Variants in COL6A2 observed in about 807,000 individuals in gnomAD.
The protein encoded by COL6A2 is collagen alpha-2(VI) chain.
COL6A2 carries 90 observed loss-of-function variants against 124.9 expected under a neutral mutation model. The observed-to-expected ratio is 0.72, with a 90% CI of 0.61 to 0.86. COL6A2 has a LOEUF of 0.86. Among genes scored for constraint, COL6A2 ranks in the 40% least tolerant of loss-of-function variants. The pLI, the probability that COL6A2 is intolerant of heterozygous loss-of-function variation, is 0.00. For synonymous variants in COL6A2, 793 were observed against 618.2 expected, an observed-to-expected ratio of 1.28 and a Z score of -4.19; for missense variants, 1,607 against 1,502.5, an observed-to-expected ratio of 1.07 and a Z score of -1.15.
At chr21:46,118,757 C>T in intron 13 of COL6A2, 81 bp downstream of exon 13, 1 of 1,472,680 alleles carries the variant, frequency 6.8e-7, no homozygotes, top group Non-Finnish European at 9.3e-7. Context: ...ACGCTGGCCA[C>T]CATCTCTGCT....
intron 27 of COL6A2, among the ~76,000 whole-genome samples, chr21:46,130,204 C>T (rs1169188643): frequency 6.6e-6 from 1 of 152,204 alleles, no homozygotes; most frequent in Non-Finnish European, 1.5e-5. Context: ...CTGCCAGCAG[C>T]CCTGATCCCG....
At chr21:46,110,772 C>CCCG (rs2078387043) in intron 1 of COL6A2, among the ~76,000 whole-genome samples, 5 of 46,064 alleles carry the variant, frequency 1.1e-4, no homozygotes, top group Non-Finnish European at 3.0e-4. Flanking sequence ...CTCTGCGGAG[C>CCCG]CAGCAGCACA....
chr21:46,124,726 C>A lies in COL6A2; in HGVS notation c.1734+13C>A, dbSNP rs760384720. The stretch of plus-strand genomic sequence containing the variant: ...CCCAGGACCCGAGGTAGGTTGGTGG[C>A]CAGTCCCCATGCCCTCCCCCCAACC... On this transcript the variant is annotated intron_variant, in intron 22 of 27. Coordinates refer to ENST00000300527, the MANE Select transcript of COL6A2 (RefSeq NM_001849.4). 5.0e-6 allele frequency: 8 copies of A among 1,611,978 alleles called. No individual in the cohort carries two copies. In the South Asian group the frequency reaches 7.7e-5, roughly 15 times the overall value.
chr21:46,103,175 C>G (rs2078304886), intron 1 of COL6A2, among the ~76,000 whole-genome samples: 1 of 152,090 alleles, frequency 6.6e-6, no homozygotes, highest in Non-Finnish European at 1.5e-5. Context: ...GGAAATTTTT[C>G]CATTCCATCT....
intron 27 of COL6A2, among the ~76,000 whole-genome samples, chr21:46,126,988 G>A (rs992931164): frequency 2.1e-5 from 3 of 141,082 alleles, no homozygotes; most frequent in African/African-American, 5.4e-5. Flanking sequence ...ACCCTGGCCT[G>A]CCTCGGAGCT....
chr21:46,106,958 A>G (rs982366753), intron 1 of COL6A2, among the ~76,000 whole-genome samples: 2 of 152,218 alleles, frequency 1.3e-5, no homozygotes, highest in African/African-American at 4.8e-5. Context: ...TTAAAATTGC[A>G]TTCTATTATA....
intron 19 of COL6A2, 38 bp from the exon 20 acceptor site, chr21:46,122,458 C>T: frequency 1.2e-6 from 2 of 1,612,758 alleles, no homozygotes; most frequent in Non-Finnish European, 1.7e-6. Flanking sequence ...GCACTGGGAT[C>T]TGAGGCTGAG....
chr21:46,129,504 C>T lies in COL6A2; in HGVS notation c.2462-2450C>T, dbSNP rs190138309. 620 of 1,549,688 alleles carry T rather than the reference C, an allele frequency of 4.0e-4. 5 individuals carry two copies. The African/African-American group carries it at 7.2e-3, about 18-fold the overall frequency. Reference sequence around the variant, plus strand: ...GGCCCTCTGCTAAAGCCCGGGCACCCGCCCAGCCGGGCTGGGCCCTCCCTG... The same window carrying T: ...GGCCCTCTGCTAAAGCCCGGGCACCTGCCCAGCCGGGCTGGGCCCTCCCTG... On this transcript the variant is annotated intron_variant, in intron 27 of 27. Transcript: ENST00000300527.
At chr21:46,102,326 A>G (rs961470299) in intron 1 of COL6A2, among the ~76,000 whole-genome samples, 1 of 152,178 alleles carries the variant, frequency 6.6e-6, no homozygotes, top group African/African-American at 2.4e-5. Context: ...ACAAGATCAT[A>G]TCATCAGTGA....
intron 27 of COL6A2, chr21:46,128,964 T>TGCCA (rs773091589): frequency 1.2e-6 from 2 of 1,610,054 alleles, no homozygotes; most frequent in South Asian, 2.2e-5. Context: ...CCCCCAAAGG[T>TGCCA]GCCACCGTGC....
intron 27 of COL6A2, chr21:46,129,621 C>T (rs1252995837): frequency 1.3e-5 from 19 of 1,430,860 alleles, no homozygotes; most frequent in Non-Finnish European, 1.6e-5. Context: ...ACAGTCCTTC[C>T]AGGGGCTCTG....
At chr21:46,112,610 C>T in intron 3 of COL6A2, 33 bp downstream of exon 3, 1 of 1,608,174 alleles carries the variant, frequency 6.2e-7, no homozygotes, top group Non-Finnish European at 8.5e-7. Context: ...GTCCACGCGC[C>T]AGGGGTGGCC....
chr21:46,129,243 G>C (rs1283589583), intron 27 of COL6A2: 2 of 1,612,822 alleles, frequency 1.2e-6, no homozygotes, highest in Admixed American at 1.7e-5. Context: ...CCTCCGCACG[G>C]AAGAGGGGCC....
chr21:46,121,516 C>G, intron 17 of COL6A2, 40 bp from the exon 18 acceptor site: 1 of 1,603,950 alleles, frequency 6.2e-7, no homozygotes, highest in Non-Finnish European at 8.5e-7. Context: ...ATGGCCAGTC[C>G]CTGCCTGTGC....
chr21:46,121,001 G>A, intron 16 of COL6A2, 60 bp from the exon 17 acceptor site: 1 of 1,503,234 alleles, frequency 6.7e-7, no homozygotes, highest in Non-Finnish European at 9.3e-7. Flanking sequence ...GATTGATACT[G>A]GGGACTCCAG....
intron 21 of COL6A2, among the ~76,000 whole-genome samples, chr21:46,123,613 ATGGATTGCTGGATGAGTGGG>A (rs1273050895): frequency 6.6e-6 from 1 of 150,694 alleles, no homozygotes; most frequent in African/African-American, 2.4e-5. Flanking sequence ...GGATGAATGG[ATGGATTGCTGGATGAGTGGG>A]TGGGTGGATG....
At position 46,118,568 on chromosome 21, in the gene COL6A2, C is replaced by G. The variant is rs371555225; in HGVS notation, c.1117-46C>G. On this transcript the variant is annotated intron_variant, in intron 12 of 27. Transcript: ENST00000300527. ...CCCGCAGCGGGCATCCTGCACCCCC[C>G]TTCCCCTGCCAAAAGACGTGAGGCT... 7.5e-6 allele frequency: 12 copies of G among 1,602,012 alleles called. No homozygotes were observed. In the East Asian group the frequency reaches 2.0e-4, roughly 27 times the overall value.
In COL6A2 at chr21:46,124,545, C is replaced by G. The variant is rs968896663; in HGVS notation, c.1672-106C>G. ...ACTCCTTGCACCTGTTAGCCCCCCC[C>G]CCCGCCAAGGGAGGACCCGTGGTTG... is the stretch of plus-strand genomic sequence containing the variant. On this transcript the variant is annotated intron_variant, in intron 21 of 27. Transcript: ENST00000300527. 4.0e-6 allele frequency: 4 copies of G among 995,148 alleles called. No individual in the cohort carries two copies. In the African/African-American group the frequency reaches 4.8e-5, roughly 12 times the overall value. 61.6% of individuals were successfully genotyped at this position (995,148 alleles called of 1,614,324 possible). A position where few individuals can be genotyped will look rare whatever the true frequency, so the allele number is the denominator to read the frequency against.
intron 15 of COL6A2, among the ~76,000 whole-genome samples, chr21:46,120,195 T>C (rs1382210250): frequency 1.1e-5 from 1 of 91,878 alleles, no homozygotes; most frequent in East Asian, 3.8e-4. Flanking sequence ...GGGGTGATGC[T>C]GAAGGGCTGT....
Sources: gnomAD v4.1 joint callset for allele counts (sites outside exome capture counted in the v4.1 genomes callset) on GRCh38, gnomAD v4.1.1 for gene constraint, MANE v1.5 for transcripts, NCBI Gene and HGNC (gene_info 2026-07-23, HGNC 2026-07-21) for gene names.